Variants in CCM2L observed in about 807,000 individuals in gnomAD.
The protein encoded by CCM2L is CCM2 like scaffold protein, also known as cerebral cavernous malformations 2 protein-like.
In CCM2L, 36 loss-of-function variants were observed where a neutral mutation model predicts 54.1. That is an observed-to-expected ratio of 0.67 (90% CI 0.51 to 0.88). The LOEUF (loss-of-function observed/expected upper bound fraction) is 0.88, where lower values mean the gene tolerates loss of function less well. CCM2L is among the 40% of genes least tolerant of loss of function. The pLI is 0.00. For missense variants in CCM2L, 700 were observed against 812.1 expected (o/e 0.86, Z 1.68); for synonymous variants, 351 against 359.3 (o/e 0.98, Z 0.26).
At chr20:32,016,864 T>C (rs1394431436) in intron 2 of CCM2L, among the ~76,000 whole-genome samples, 2 of 150,758 alleles carry the variant, frequency 1.3e-5, no homozygotes. Context: ...TTTTTAAAAG[T>C]TGGCCAGGCA....
Position 32,019,366 on chromosome 20 carries a change from C to A in CCM2L, c.890C>A (p.Pro297His). The A allele has an allele frequency of 6.6e-7, 1 of 1,520,716 alleles. No homozygotes were observed. The highest frequency in any genetic ancestry group is 8.8e-7 in the Non-Finnish European group (1 of 1,142,166). 94.2% of individuals were successfully genotyped at this position (1,520,716 alleles called of 1,614,324 possible). A position where few individuals can be genotyped will look rare whatever the true frequency, so the allele number is the denominator to read the frequency against. Residue 297 changes from proline to histidine, a missense_variant, in exon 5 of 10, where the codon CCC becomes CAC. Pro to His is a moderately conservative substitution (Grantham distance 77, BLOSUM62 -2). Transcript: ENST00000452892. ...PNPLDPQDPS[P>H]DAYCNLVILA... is the part of the protein sequence containing the mutation. The stretch of plus-strand genomic sequence containing the variant: ...CCGCTCGACCCGCAGGACCCCAGCC[C>A]CGACGCCTACTGCAACCTGGTCATC...
chr20:32,010,944 C>T (rs2064688609), intron 1 of CCM2L, among the ~76,000 whole-genome samples: 1 of 152,236 alleles, frequency 6.6e-6, no homozygotes, highest in African/African-American at 2.4e-5. Flanking sequence ...CCCTGCCCCT[C>T]CCACCTTTCT....
At chr20:32,026,416 G>A (rs1443184027) in intron 7 of CCM2L, among the ~76,000 whole-genome samples, 6 of 151,984 alleles carry the variant, frequency 3.9e-5, no homozygotes, top group East Asian at 1.9e-4. Context: ...CTCATGGACC[G>A]AGATGGTGGT....
At chr20:32,028,625 C>T (rs1489069260) in intron 7 of CCM2L, 5 of 216,226 alleles carry the variant, frequency 2.3e-5, no homozygotes, top group Non-Finnish European at 3.8e-5. Context: ...GAGGTTCTAA[C>T]CCAACCTAGG....
Position 32,019,148 on chromosome 20 carries a change from G to A in CCM2L, c.672G>A (p.Leu224=). The A allele has an allele frequency of 1.8e-6, 2 of 1,130,794 alleles. No homozygotes were observed. The highest frequency in any genetic ancestry group is 2.2e-6 in the Non-Finnish European group (2 of 920,306). 70.0% of individuals were successfully genotyped at this position (1,130,794 alleles called of 1,614,324 possible). Residue 224 remains leucine, a synonymous_variant, in exon 5 of 10, where the codon TTG becomes TTA. Coordinates refer to ENST00000452892, the MANE Select transcript of CCM2L (RefSeq NM_001365692.1). The part of the protein sequence containing the change: ...ARAGGGGGGS[L]ERQRAGARAS... ...CCGGGGGAGGCGGCGGCGGCAGCTT[G>A]GAGCGCCAGCGCGCCGGGGCGCGGG...
intron 4 of CCM2L, 54 bp from the exon 5 acceptor site, chr20:32,018,889 G>T: frequency 8.0e-7 from 1 of 1,250,236 alleles, no homozygotes; most frequent in South Asian, 2.8e-5. Context: ...CGGCGGGGCG[G>T]GGGGGTCTCT....
rs200775824 is a variant in CCM2L at position 32,022,768 on chromosome 20, C to T, written c.1042C>T (p.Pro348Ser). ...GGCTGGCTACCACTACACATCCACA[C>T]CTGAACGGCCATGGCTCTGCAGCCG... is the stretch of plus-strand genomic sequence containing the variant. The part of the protein sequence containing the change: ...DRAGYHYTST[P>S]ERPWLCSRSE... Residue 348 changes from proline (P) to serine (S), a missense_variant, in exon 6 of 10, where the codon CCT (proline) becomes TCT (serine). Pro to Ser is a moderately conservative substitution (Grantham distance 74, BLOSUM62 -1). Transcript: ENST00000452892. 3.7e-6 allele frequency: 6 copies of T among 1,613,490 alleles called. No individual in the cohort carries two copies. The East Asian group carries it at 1.1e-4, about 30-fold the overall frequency.
At chr20:32,018,836 C>T (rs1447547330) in intron 4 of CCM2L, 107 bp from the exon 5 acceptor site, 26 of 1,175,728 alleles carry the variant, frequency 2.2e-5, no homozygotes, top group Admixed American at 1.8e-4. Context: ...GGCGAGGCGG[C>T]GGTGGAACCC....
chr20:32,028,671 T>C (rs1380591291), intron 7 of CCM2L: 1 of 325,928 alleles, frequency 3.1e-6, no homozygotes, highest in African/African-American at 2.1e-5. Flanking sequence ...AGATGACATT[T>C]AAGATCACGG....
intron 2 of CCM2L, among the ~76,000 whole-genome samples, 170 bp from the exon 3 acceptor site, chr20:32,017,630 C>T (rs1229556571): frequency 6.6e-6 from 1 of 152,134 alleles, no homozygotes; most frequent in Non-Finnish European, 1.5e-5. Flanking sequence ...AGAGAGCGCT[C>T]AGAACTTTGC....
chr20:32,013,540 C>T (rs1297962047), intron 1 of CCM2L, among the ~76,000 whole-genome samples: 7 of 152,114 alleles, frequency 4.6e-5, no homozygotes, highest in African/African-American at 9.7e-5. Context: ...CTCCCAGGCT[C>T]AGGTGATCCT....
chr20:32,019,577 G>A (rs907899037), intron 5 of CCM2L, among the ~76,000 whole-genome samples, 168 bp downstream of exon 5: 2 of 151,824 alleles, frequency 1.3e-5, no homozygotes, highest in Non-Finnish European at 2.9e-5. Context: ...CACCTCCAGG[G>A]CATCTCCCCT....
rs943258589 is a variant in CCM2L, at chr20:32,031,374, G to C, written c.*60G>C. ...CACCTCTGAGTCTCAGCTTTGCTTC[G>C]GGGACCCTATCCCCAGGGCCCCCCC... On this transcript the variant is annotated 3_prime_UTR_variant, in exon 10 of 10. Coordinates refer to ENST00000452892, the MANE Select transcript of CCM2L (RefSeq NM_001365692.1). The C allele has an allele frequency of 1.7e-6, 2 of 1,206,410 alleles. No homozygotes were observed. The highest frequency in any genetic ancestry group is 2.1e-6 in the Non-Finnish European group (2 of 948,166). 74.7% of individuals were successfully genotyped at this position (1,206,410 alleles called of 1,614,324 possible).
In CCM2L at chr20:32,014,972, C is replaced by A. The variant is rs112249840; in HGVS notation, c.99C>A (p.Ser33Arg). The part of the protein sequence containing the change: ...KAGRRAACRS[S>R]VSRRPLHSMP... ...GGCGCCGGGCAGCCTGTAGGAGCAG[C>A]GTGAGCCGCCGGCCCCTGCACTCGA... Residue 33 changes from serine to arginine, a missense_variant, in exon 2 of 10, where the codon AGC (serine) becomes AGA (arginine). Transcript: ENST00000452892. 9 of 1,596,234 alleles carry A rather than the reference C, an allele frequency of 5.6e-6. No individual in the cohort carries two copies. The highest frequency in any genetic ancestry group is 7.7e-6 in the Non-Finnish European group (9 of 1,171,798).
chr20:32,031,079 G>A lies in CCM2L; in HGVS notation c.1481G>A (p.Gly494Asp), dbSNP rs1199840251. The change falls in exon 10 of 10, where the codon GGC becomes GAC. Residue 494 changes from glycine (G) to aspartate (D), a missense_variant. Coordinates refer to ENST00000452892, the MANE Select transcript of CCM2L (RefSeq NM_001365692.1). ...FLEGVGIREG[G>D]ILTDSFGRIK... The stretch of plus-strand genomic sequence containing the variant: ...GAGGGCGTGGGCATCCGCGAGGGCG[G>A]CATCCTCACTGACAGCTTCGGCCGC... 7.7e-7 allele frequency: 1 copy of A among 1,304,274 alleles called. No homozygotes were observed. Among genetic ancestry groups the A allele is most frequent in the Non-Finnish European group, 1.0e-6 (1 of 988,950 alleles). 80.8% of individuals were successfully genotyped at this position (1,304,274 alleles called of 1,614,324 possible). A position where few individuals can be genotyped will look rare whatever the true frequency, so the allele number is the denominator to read the frequency against.
intron 1 of CCM2L, among the ~76,000 whole-genome samples, chr20:32,013,982 C>T (rs1014586010): frequency 1.3e-5 from 2 of 152,110 alleles, no homozygotes; most frequent in Non-Finnish European, 2.9e-5. Context: ...AAATGCTGTT[C>T]TAGATGGAAC....
intron 1 of CCM2L, among the ~76,000 whole-genome samples, chr20:32,014,422 C>T (rs1435340665): frequency 3.9e-5 from 6 of 152,022 alleles, no homozygotes; most frequent in East Asian, 1.9e-4. Flanking sequence ...CCTGGCACAA[C>T]GCCTGACAAA....
At position 32,022,741 on chromosome 20, in the gene CCM2L, C is replaced by T. The variant is rs754151581; in HGVS notation, c.1015C>T (p.Arg339Trp). Residue 339 changes from arginine to tryptophan, a missense_variant, in exon 6 of 10, where the codon CGG becomes TGG. Coordinates refer to ENST00000452892, the MANE Select transcript of CCM2L (RefSeq NM_001365692.1). ...YGDQSIECVD[R>W]AGYHYTSTPE... Reference sequence around the variant, plus strand: ...GGACCAGAGTATTGAGTGTGTGGACCGGGCTGGCTACCACTACACATCCAC... The same window carrying T: ...GGACCAGAGTATTGAGTGTGTGGACTGGGCTGGCTACCACTACACATCCAC... 9 of 1,613,568 alleles carry T rather than the reference C, an allele frequency of 5.6e-6. No individual in the cohort carries two copies. Among genetic ancestry groups the T allele is most frequent in the Admixed American group, 3.3e-5 (2 of 59,988 alleles).
At chr20:32,023,192 G>A (rs2064823185) in intron 6 of CCM2L, among the ~76,000 whole-genome samples, 1 of 151,892 alleles carries the variant, frequency 6.6e-6, no homozygotes, top group Non-Finnish European at 1.5e-5. Flanking sequence ...GGCTGGTCTT[G>A]AACTCCTGAC....
Sources: gnomAD v4.1 joint callset for allele counts (sites outside exome capture counted in the v4.1 genomes callset) on GRCh38, gnomAD v4.1.1 for gene constraint, MANE v1.5 for transcripts, NCBI Gene and HGNC (gene_info 2026-07-23, HGNC 2026-07-21) for gene names.